RCOR3: variants seen among roughly 807,000 people sequenced by gnomAD.
The protein encoded by RCOR3 is REST corepressor 3.
In RCOR3, 13 loss-of-function variants were observed where a neutral mutation model predicts 64.1. The observed-to-expected ratio is 0.20, with a 90% CI of 0.13 to 0.32. The LOEUF (loss-of-function observed/expected upper bound fraction) is 0.32, where lower values mean the gene tolerates loss of function less well. Ranked by LOEUF, RCOR3 falls within the 10% of genes least tolerant of loss-of-function variation. The probability of loss-of-function intolerance (pLI) is 1.00; values close to 1 mark genes in which losing one functional copy is unlikely to be tolerated. For missense variants in RCOR3, 489 were observed against 701.2 expected, an observed-to-expected ratio of 0.70 and a Z score of 3.42; for synonymous variants, 215 against 239.0, an observed-to-expected ratio of 0.90 and a Z score of 0.93.
intron 7 of RCOR3, among the ~76,000 whole-genome samples, chr1:211,284,845 T>C (rs1698314203): frequency 6.6e-6 from 1 of 152,190 alleles, no homozygotes; most frequent in South Asian, 2.1e-4. Flanking sequence ...AATACGGAAT[T>C]GAATATCTTT....
chr1:211,270,222 C>T (rs1249519170), intron 2 of RCOR3, among the ~76,000 whole-genome samples: 1 of 151,986 alleles, frequency 6.6e-6, no homozygotes, highest in Non-Finnish European at 1.5e-5. Context: ...GCCACCACAC[C>T]TGGCTAATTT....
intron 5 of RCOR3, among the ~76,000 whole-genome samples, chr1:211,277,329 A>G (rs1352203504): frequency 2.0e-5 from 3 of 152,146 alleles, no homozygotes; most frequent in Non-Finnish European, 4.4e-5. Flanking sequence ...GGTGTCTTCC[A>G]TAATGGAAGA....
rs1693784805 is a variant in RCOR3, at chr1:211,259,494, A to G, written c.-67A>G. 6.8e-7 allele frequency: 1 copy of G among 1,479,294 alleles called. No individual in the cohort carries two copies. The highest frequency in any genetic ancestry group is 2.2e-5 in the Admixed American group (1 of 44,864). The allele number at this position is 1,479,294 out of a possible 1,614,324, so 91.6% of individuals were successfully genotyped here. On this transcript the variant is annotated 5_prime_UTR_variant, in exon 1 of 12. Coordinates refer to ENST00000419091, the MANE Select transcript of RCOR3 (RefSeq NM_001136223.3). Reference sequence around the variant, plus strand: ...CTCCTTTCCCTCCCGCCCGCGCTCTAAGCCATCTCCGCCTTCACCCTGACG... The same window carrying G: ...CTCCTTTCCCTCCCGCCCGCGCTCTGAGCCATCTCCGCCTTCACCCTGACG...
At chr1:211,284,657 A>T (rs943915867) in intron 7 of RCOR3, among the ~76,000 whole-genome samples, 2 of 152,056 alleles carry the variant, frequency 1.3e-5, no homozygotes, top group African/African-American at 4.8e-5. Context: ...AGCTGGGACT[A>T]CAGGCATGCA....
In RCOR3 at chr1:211,289,294, G is replaced by A. The variant is rs1698948269; in HGVS notation, c.837G>A (p.Met279Ile). The part of the protein sequence containing the change: ...QRSKCRPPKG[M>I]YLTQEDVVAV... ...CTAAGTGCCGTCCACCTAAGGGCAT[G>A]TATTTAACCCAGGAAGATGTGGTAG... The change falls in exon 8 of 12, where the codon ATG becomes ATA. Residue 279 changes from methionine (M) to isoleucine (I), a missense_variant. Met to Ile is a conservative substitution (Grantham distance 10). Coordinates refer to ENST00000419091, the MANE Select transcript of RCOR3 (RefSeq NM_001136223.3). The A allele has an allele frequency of 1.2e-6, 2 of 1,614,026 alleles. No homozygotes were observed. Among genetic ancestry groups the A allele is most frequent in the Non-Finnish European group, 1.7e-6 (2 of 1,180,032 alleles).
intron 5 of RCOR3, 139 bp from the exon 6 acceptor site, chr1:211,277,978 A>G: frequency 1.5e-6 from 1 of 688,550 alleles, no homozygotes. Flanking sequence ...CTGTAGTAGT[A>G]CTTTTTAGCT....
chr1:211,309,765 T>A (rs1023540948), intron 10 of RCOR3, among the ~76,000 whole-genome samples: 1 of 152,232 alleles, frequency 6.6e-6, no homozygotes, highest in African/African-American at 2.4e-5. Context: ...AGGGACAGAC[T>A]GAAACTCGGG....
In RCOR3 at chr1:211,259,427, A is replaced by AGCCTCC. The variant is rs1693765027; in HGVS notation, c.-133_-128dup. The AGCCTCC allele has an allele frequency of 1.3e-5, 11 of 840,190 alleles. No individual in the cohort carries two copies. The highest frequency in any genetic ancestry group is 3.8e-5 in the African/African-American group (2 of 53,170). 52.0% of individuals were successfully genotyped at this position (840,190 alleles called of 1,614,324 possible). On this transcript the variant is annotated 5_prime_UTR_variant, in exon 1 of 12. Coordinates refer to ENST00000419091, the MANE Select transcript of RCOR3 (RefSeq NM_001136223.3). The stretch of plus-strand genomic sequence containing the variant: ...GCGGTTATGGCGGCTCCATATTAAC[A>AGCCTCC]GCCTCCTCCTCCTCCGCCGCCGCCG...
At chr1:211,263,782 C>G (rs1222132163) in intron 2 of RCOR3, among the ~76,000 whole-genome samples, 1 of 151,306 alleles carries the variant, frequency 6.6e-6, no homozygotes, top group Non-Finnish European at 1.5e-5. Context: ...TAAACATTAC[C>G]TTGGGAAAAA....
Position 211,313,134 on chromosome 1 carries a change from G to A in RCOR3, c.1317+173G>A. On this transcript the variant is annotated intron_variant, in intron 11 of 11. Transcript: ENST00000419091. This position sits in a 1 kb window ranked among gnomAD's most constrained non-coding sequence, Gnocchi z 4.7. ...CTCTTAAGTCATAATGACATGCTAA[G>A]TTCTGATTCTAGAAGAATGGAGAGT... The A allele has an allele frequency of 6.7e-7, 1 of 1,486,648 alleles. No individual in the cohort carries two copies. The highest frequency in any genetic ancestry group is 8.9e-7 in the Non-Finnish European group (1 of 1,127,462). The allele number at this position is 1,486,648 out of a possible 1,614,324, so 92.1% of individuals were successfully genotyped here.
intron 9 of RCOR3, among the ~76,000 whole-genome samples, chr1:211,299,575 C>G (rs902911901): frequency 1.3e-5 from 2 of 152,072 alleles, no homozygotes; most frequent in African/African-American, 4.8e-5. Flanking sequence ...CCATCTCTTT[C>G]AACTCAGAGA....
intron 8 of RCOR3, among the ~76,000 whole-genome samples, chr1:211,289,931 G>A (rs1302442391): frequency 2.0e-5 from 3 of 152,178 alleles, no homozygotes; most frequent in Non-Finnish European, 4.4e-5. Context: ...TAACCTTAGA[G>A]GAGCTCTTTA....
chr1:211,297,853 C>T (rs966926960), intron 9 of RCOR3, among the ~76,000 whole-genome samples: 3 of 152,190 alleles, frequency 2.0e-5, no homozygotes, highest in Admixed American at 2.0e-4. Flanking sequence ...GGTAATCTAT[C>T]TCCTTACCTT....
rs778483682 is a variant in RCOR3 at position 211,312,878 on chromosome 1, A to C, written c.1234A>C (p.Asn412His). ...AGCAGAACAAGGAACCCAGGCTTCTAATGGTGATGCTTCTACTTTAGGGGA... is the reference window on the plus strand; with the variant it reads ...AGCAGAACAAGGAACCCAGGCTTCTCATGGTGATGCTTCTACTTTAGGGGA... ...WEAEQGTQAS[N>H]GDASTLGEET... The change falls in exon 11 of 12, where the codon AAT (asparagine) becomes CAT (histidine). Residue 412 changes from asparagine (N) to histidine (H), a missense_variant. Asn to His is a moderately conservative substitution (Grantham distance 68, BLOSUM62 1). Coordinates refer to ENST00000419091, the MANE Select transcript of RCOR3 (RefSeq NM_001136223.3). The surrounding 1 kb of genome is among the most constrained non-coding windows in gnomAD (Gnocchi z 5.0). 8.1e-6 allele frequency: 13 copies of C among 1,614,186 alleles called. No individual in the cohort carries two copies. Among genetic ancestry groups the C allele is most frequent in the Non-Finnish European group, 1.1e-5 (13 of 1,180,030 alleles).
At chr1:211,291,405 C>T (rs774670597) in intron 8 of RCOR3, 1 of 309,658 alleles carries the variant, frequency 3.2e-6, no homozygotes, top group Non-Finnish European at 6.3e-6. Flanking sequence ...GGATGTACAA[C>T]TGGTATATAT....
Position 211,315,342 on chromosome 1 carries a change from A to C in RCOR3, c.*1574A>C, listed in dbSNP as rs1206274598. 6.6e-6 allele frequency: 1 copy of C among 152,234 alleles called. No homozygotes were observed. The highest frequency in any genetic ancestry group is 1.5e-5 in the Non-Finnish European group (1 of 68,028). 9.4% of individuals were successfully genotyped at this position (152,234 alleles called of 1,614,324 possible). On this transcript the variant is annotated 3_prime_UTR_variant, in exon 12 of 12. Transcript: ENST00000419091. ...CACAGCCTTAAAGTGCTATAGATTT[A>C]AATTCATTGATTAGTTTTAATTTTT...
At position 211,313,877 on chromosome 1, in the gene RCOR3, C is replaced by T. The variant is rs1211387930; in HGVS notation, c.*109C>T. ...TAATCATTTCTAGATACTGAGGCTG[C>T]GAACTAGTTCTGTGGCAGTGGACTA... On this transcript the variant is annotated 3_prime_UTR_variant, in exon 12 of 12. Coordinates refer to ENST00000419091, the MANE Select transcript of RCOR3 (RefSeq NM_001136223.3). This position sits in a 1 kb window ranked among gnomAD's most constrained non-coding sequence, Gnocchi z 4.7. 49 of 1,032,478 alleles carry T rather than the reference C, an allele frequency of 4.7e-5. No homozygotes were observed. Among genetic ancestry groups the T allele is most frequent in the Non-Finnish European group, 5.6e-5 (40 of 719,942 alleles). The allele number at this position is 1,032,478 out of a possible 1,614,324, so 64.0% of individuals were successfully genotyped here. A position where few individuals can be genotyped will look rare whatever the true frequency, so the allele number is the denominator to read the frequency against.
At chr1:211,265,777 A>C (rs887134450) in intron 2 of RCOR3, among the ~76,000 whole-genome samples, 1 of 152,278 alleles carries the variant, frequency 6.6e-6, no homozygotes, top group Non-Finnish European at 1.5e-5. Context: ...TAAGGTTCTG[A>C]GTGTTAAATC....
intron 10 of RCOR3, among the ~76,000 whole-genome samples, chr1:211,309,252 T>C (rs1258179001): frequency 1.3e-5 from 2 of 152,220 alleles, no homozygotes; most frequent in African/African-American, 2.4e-5. Flanking sequence ...ATAATGGCTA[T>C]GCTAAAGTCT....
Sources: allele counts gnomAD v4.1 joint callset (sites outside exome capture counted in the v4.1 genomes callset), GRCh38; gene constraint gnomAD v4.1.1; non-coding constraint Gnocchi (gnomAD v3.1); transcripts MANE v1.5; gene names NCBI Gene and HGNC (gene_info 2026-07-23, HGNC 2026-07-21).